The following FARS2 variants were observed in gnomAD, a reference collection of about 807,000 sequenced individuals.
The protein encoded by FARS2 is phenylalanine--tRNA ligase, mitochondrial.
FARS2 carries 40 observed loss-of-function variants against 46.4 expected under a neutral mutation model. That is an observed-to-expected ratio of 0.86 (90% confidence interval 0.67 to 1.12). The LOEUF (loss-of-function observed/expected upper bound fraction) is 1.12. Ranked by LOEUF, FARS2 falls within the 50% of genes most tolerant of loss-of-function variation. The pLI, the probability that FARS2 is intolerant of heterozygous loss-of-function variation, is 0.00. For synonymous variants in FARS2, 234 were observed against 214.9 expected (o/e 1.09, Z -0.78); for missense variants, 513 against 567.9 (o/e 0.90, Z 0.98).
At chr6:5,338,514 T>G (rs1771320792) in intron 1 of FARS2, among the ~76,000 whole-genome samples, 1 of 152,194 alleles carries the variant, frequency 6.6e-6, no homozygotes, top group Non-Finnish European at 1.5e-5. Flanking sequence ...CCAGGTTGCC[T>G]TGACCGCAGT....
chr6:5,439,239 C>A (rs898556897), intron 4 of FARS2, among the ~76,000 whole-genome samples: 3 of 152,090 alleles, frequency 2.0e-5, no homozygotes, highest in Non-Finnish European at 4.4e-5. Context: ...TGTGTCACTC[C>A]AGTGTCAGGC....
intron 6 of FARS2, among the ~76,000 whole-genome samples, chr6:5,725,773 T>C (rs1034478867): frequency 2.0e-5 from 3 of 152,050 alleles, no homozygotes; most frequent in Non-Finnish European, 2.9e-5. Flanking sequence ...CCGTGTCTAC[T>C]AAAAATACAA....
intron 4 of FARS2, among the ~76,000 whole-genome samples, chr6:5,432,638 T>C (rs1763293806): frequency 6.7e-6 from 1 of 149,566 alleles, no homozygotes; most frequent in African/African-American, 2.5e-5. Flanking sequence ...TAGGAACTGA[T>C]GTGGATTGTT....
At chr6:5,430,952 G>T in intron 3 of FARS2, 89 bp from the exon 4 acceptor site, 1 of 1,262,142 alleles carries the variant, frequency 7.9e-7, no homozygotes, top group Non-Finnish European at 1.1e-6. Context: ...TGTAGTAATT[G>T]GTGTCATTAG....
At chr6:5,574,629 T>C (rs1441221657) in intron 5 of FARS2, among the ~76,000 whole-genome samples, 1 of 152,194 alleles carries the variant, frequency 6.6e-6, no homozygotes, top group African/African-American at 2.4e-5. Context: ...AGTAAATATG[T>C]TCTATAAACT....
chr6:5,718,549 A>G (rs567196076), intron 6 of FARS2, among the ~76,000 whole-genome samples: 2 of 152,360 alleles, frequency 1.3e-5, no homozygotes, highest in African/African-American at 4.8e-5. Context: ...TGTAACTTAC[A>G]TATACACACA....
At chr6:5,494,431 A>C (rs190018298) in intron 4 of FARS2, among the ~76,000 whole-genome samples, 88 of 152,238 alleles carry the variant, frequency 5.8e-4, no homozygotes, top group Non-Finnish European at 1.1e-3. Flanking sequence ...CTCGCTTCTC[A>C]GCGGGCTTTG....
intron 6 of FARS2, among the ~76,000 whole-genome samples, chr6:5,707,116 G>T (rs1481256465): frequency 6.6e-6 from 1 of 152,126 alleles, no homozygotes; most frequent in Non-Finnish European, 1.5e-5. Context: ...AGACCTGTTG[G>T]ATATCATCAT....
intron 4 of FARS2, among the ~76,000 whole-genome samples, chr6:5,458,269 G>C (rs1765024129): frequency 6.6e-6 from 1 of 152,220 alleles, no homozygotes; most frequent in Admixed American, 6.5e-5. Flanking sequence ...TGGCAGGAAA[G>C]GGGTTTGTGC....
At chr6:5,560,158 C>T (rs7746240) in intron 5 of FARS2, among the ~76,000 whole-genome samples, 40,479 of 152,018 alleles carry the variant, frequency 0.27, 6,304 homozygotes, top group East Asian at 0.52. Flanking sequence ...TAAATGTCTG[C>T]TCTTCAAAGT....
intron 4 of FARS2, among the ~76,000 whole-genome samples, chr6:5,467,407 A>G (rs1561640853): frequency 6.6e-6 from 1 of 152,210 alleles, no homozygotes; most frequent in Non-Finnish European, 1.5e-5. Context: ...TGTAATATCT[A>G]GAGTCCTACA....
chr6:5,483,249 C>G (rs1244553212), intron 4 of FARS2, among the ~76,000 whole-genome samples: 2 of 152,160 alleles, frequency 1.3e-5, no homozygotes, highest in East Asian at 1.9e-4. Context: ...TTTTATCACT[C>G]CCCCTGCTCC....
rs555102126 is a variant in FARS2, at chr6:5,511,093, T to C, written c.905-34087T>C. 8.5e-5 allele frequency among the ~76,000 whole-genome samples: 13 copies of C among 152,286 alleles called. No homozygotes were observed. The South Asian group carries it at 1.5e-3, about 17-fold the overall frequency. ...AGAAGGAGAGGCCAGATGGCACAAG[T>C]GTCCCACACTTTCACCCCAGATTGG... On this transcript the variant is annotated intron_variant, in intron 4 of 6. Coordinates refer to ENST00000274680, the MANE Select transcript of FARS2 (RefSeq NM_006567.5).
At chr6:5,300,187 G>T (rs1768196002) in intron 1 of FARS2, among the ~76,000 whole-genome samples, 1 of 152,188 alleles carries the variant, frequency 6.6e-6, no homozygotes, top group South Asian at 2.1e-4. Flanking sequence ...GGCAGAAAAT[G>T]ATTGGATTAC....
chr6:5,584,624 C>T (rs1223052249), intron 5 of FARS2, among the ~76,000 whole-genome samples: 3 of 151,962 alleles, frequency 2.0e-5, no homozygotes, highest in Non-Finnish European at 2.9e-5. Flanking sequence ...GAAGACAGGC[C>T]ATGTTAGATT....
chr6:5,441,436 TAG>T (rs1387868238), intron 4 of FARS2, among the ~76,000 whole-genome samples: 1 of 152,204 alleles, frequency 6.6e-6, no homozygotes, highest in African/African-American at 2.4e-5. Flanking sequence ...TGATTTTCAT[TAG>T]AGTTTTACTA....
At chr6:5,669,586 T>C (rs1778344285) in intron 6 of FARS2, among the ~76,000 whole-genome samples, 1 of 152,162 alleles carries the variant, frequency 6.6e-6, no homozygotes, top group Non-Finnish European at 1.5e-5. Context: ...TCAGTAGTCC[T>C]GTACTTGCTA....
chr6:5,257,858 G>A (rs1764755264), upstream of FARS2, among the ~76,000 whole-genome samples: 1 of 152,162 alleles, frequency 6.6e-6, no homozygotes, highest in South Asian at 2.1e-4. Context: ...TATAGCACTG[G>A]GCAAAGCATG....
intron 6 of FARS2, among the ~76,000 whole-genome samples, chr6:5,639,960 G>C (rs762051471): frequency 6.6e-6 from 1 of 152,188 alleles, no homozygotes; most frequent in Non-Finnish European, 1.5e-5. Context: ...TAAATTCTCA[G>C]CTCATCTGGT....
Sources: gnomAD v4.1 joint callset for allele counts (sites outside exome capture counted in the v4.1 genomes callset) on GRCh38, gnomAD v4.1.1 for gene constraint, MANE v1.5 for transcripts, NCBI Gene and HGNC (gene_info 2026-07-23, HGNC 2026-07-21) for gene names.